The following ALDH7A1 variants were observed in gnomAD, a reference collection of about 807,000 sequenced individuals.
The protein encoded by ALDH7A1 is alpha-aminoadipic semialdehyde dehydrogenase.
A neutral mutation model predicts 79.9 loss-of-function variants in ALDH7A1; 63 were observed. That is an observed-to-expected ratio of 0.79 (90% CI 0.64 to 0.97). The LOEUF (loss-of-function observed/expected upper bound fraction) is 0.97, where lower values mean the gene tolerates loss of function less well. Among genes scored for constraint, ALDH7A1 ranks in the 50% least tolerant of loss-of-function variants. The pLI is 0.00. For missense variants in ALDH7A1, 627 were observed against 665.2 expected, an observed-to-expected ratio of 0.94 and a Z score of 0.63; for synonymous variants, 240 against 231.2, an observed-to-expected ratio of 1.04 and a Z score of -0.34.
chr5:126,561,482 G>T, intron 9 of ALDH7A1: 1 of 62,332 alleles, frequency 1.6e-5, no homozygotes, highest in South Asian at 3.2e-4. Context: ...TGCACCCACA[G>T]AGTGTGTGTG....
chr5:126,576,892 A>C (rs1037917514), intron 6 of ALDH7A1, among the ~76,000 whole-genome samples, 187 bp downstream of exon 6: 2 of 152,140 alleles, frequency 1.3e-5, no homozygotes, highest in African/African-American at 4.8e-5. Flanking sequence ...GCACCATTAC[A>C]CTCCAGCCAG....
intron 11 of ALDH7A1, among the ~76,000 whole-genome samples, chr5:126,556,764 A>G (rs1046995844): frequency 6.6e-6 from 1 of 152,176 alleles, no homozygotes. Flanking sequence ...CAACCCTTGC[A>G]TTCTCTGGGT....
At chr5:126,556,239 CTTT>C (rs35367836) in intron 11 of ALDH7A1, among the ~76,000 whole-genome samples, 36 of 97,930 alleles carry the variant, frequency 3.7e-4, no homozygotes, top group African/African-American at 1.3e-3. Flanking sequence ...TAAGCCATGT[CTTT>C]TTTTTTTTTT....
chr5:126,564,031 C>T (rs767286691), intron 9 of ALDH7A1, among the ~76,000 whole-genome samples: 1 of 152,176 alleles, frequency 6.6e-6, no homozygotes, highest in Non-Finnish European at 1.5e-5. Context: ...CAGCGATCCA[C>T]CCACCTTGAC....
At position 126,552,478 on chromosome 5, in the gene ALDH7A1, C is replaced by T. The variant is rs552957638; in HGVS notation, c.1201-341G>A. Among the ~76,000 whole-genome samples, 63 of 152,276 alleles carry T rather than the reference C, an allele frequency of 4.1e-4. 1 individual carries two copies. Among genetic ancestry groups the T allele is most frequent in the South Asian group, 1.2e-3 (6 of 4,820 alleles). On this transcript the variant is annotated intron_variant, in intron 13 of 17. Coordinates refer to ENST00000409134, the MANE Select transcript of ALDH7A1 (RefSeq NM_001182.5). ...CTTGATCTCAGCTCACTGCAACCTC[C>T]GTCTCCCGGGTTCAAGCCATCCTCC...
intron 11 of ALDH7A1, among the ~76,000 whole-genome samples, chr5:126,557,471 CA>C (rs1427772122): frequency 2.0e-5 from 3 of 151,482 alleles, no homozygotes; most frequent in Non-Finnish European, 4.4e-5. Context: ...CCTGTAGTGC[CA>C]GCTACTCAGG....
At chr5:126,575,640 G>A (rs1750939745) in intron 6 of ALDH7A1, among the ~76,000 whole-genome samples, 176 bp from the exon 7 acceptor site, 1 of 152,178 alleles carries the variant, frequency 6.6e-6, no homozygotes, top group African/African-American at 2.4e-5. Context: ...GTGTCTTTGA[G>A]ACCTAAGGAA....
At chr5:126,588,045 G>A (rs545900790) in intron 3 of ALDH7A1, 13 of 152,320 alleles carry the variant, frequency 8.5e-5, no homozygotes, top group African/African-American at 2.6e-4. Context: ...AGGATGTTAG[G>A]TGCAGAGGCT....
Position 126,592,714 on chromosome 5 carries a change from A to G in ALDH7A1, c.262T>C (p.Tyr88His), listed in dbSNP as rs368517032. 1.2e-6 allele frequency: 2 copies of G among 1,613,940 alleles called. No individual in the cohort carries two copies. The highest frequency in any genetic ancestry group is 8.5e-7 in the Non-Finnish European group (1 of 1,179,986). ...ARVRQASVAD[Y>H]EETVKKAREA... ...CTTGCTTTCTTTACAGTTTCTTCAT[A>G]GTCTGCCACACTGGCCTAAATTAAG... The change falls in exon 3 of 18, where the codon TAT (tyrosine) becomes CAT (histidine). Residue 88 changes from tyrosine (Y) to histidine (H), a missense_variant. Coordinates refer to ENST00000409134, the MANE Select transcript of ALDH7A1 (RefSeq NM_001182.5).
chr5:126,584,115 A>G, intron 3 of ALDH7A1, 103 bp from the exon 4 acceptor site: 1 of 1,024,452 alleles, frequency 9.8e-7, no homozygotes, highest in Non-Finnish European at 1.5e-6. Flanking sequence ...CAATCATATC[A>G]AAGAAGACTT....
intron 10 of ALDH7A1, among the ~76,000 whole-genome samples, chr5:126,560,671 A>G (rs1304518606): frequency 6.6e-6 from 1 of 152,180 alleles, no homozygotes; most frequent in African/African-American, 2.4e-5. Context: ...CCCAATATAA[A>G]AACACTCAAT....
rs774190967 is a variant in ALDH7A1, at chr5:126,595,211, A to C, written c.-13T>G. On this transcript the variant is annotated 5_prime_UTR_variant, in exon 1 of 18. Coordinates refer to ENST00000409134, the MANE Select transcript of ALDH7A1 (RefSeq NM_001182.5). Reference sequence around the variant, plus strand: ...GAAGGCGCCACATACTGAGCCCGGGACTCGGGATGAGCCCAAGGCCCTGAG... The same window carrying C: ...GAAGGCGCCACATACTGAGCCCGGGCCTCGGGATGAGCCCAAGGCCCTGAG... The C allele has an allele frequency of 1.4e-4, 210 of 1,551,374 alleles. No individual in the cohort carries two copies. The highest frequency in any genetic ancestry group is 1.7e-4 in the Non-Finnish European group (199 of 1,146,980).
chr5:126,583,060 G>A, intron 4 of ALDH7A1, 86 bp from the exon 5 acceptor site: 1 of 1,510,484 alleles, frequency 6.6e-7, no homozygotes, highest in South Asian at 1.1e-5. Context: ...AGCAAAACAT[G>A]TTTTGTAAAT....
intron 16 of ALDH7A1, 127 bp from the exon 17 acceptor site, chr5:126,546,526 C>T: frequency 1.2e-6 from 1 of 801,024 alleles, no homozygotes; most frequent in Non-Finnish European, 2.1e-6. Flanking sequence ...ACATTTAGCC[C>T]ACAATATCTC....
chr5:126,574,345 A>G lies in ALDH7A1; in HGVS notation c.695+1075T>C, dbSNP rs185016716. Among the ~76,000 whole-genome samples the G allele has an allele frequency of 2.8e-3, 427 of 151,890 alleles. 2 individuals carry two copies. Among genetic ancestry groups the G allele is most frequent in the African/African-American group, 9.8e-3 (404 of 41,362 alleles). ...AACCAGGGAGTCGGAGGTTGCCGTG[A>G]GCCAAGATTGCACCACTGCACTCCA... On this transcript the variant is annotated intron_variant, in intron 7 of 17. Transcript: ENST00000409134.
intron 2 of ALDH7A1, among the ~76,000 whole-genome samples, chr5:126,593,040 T>G (rs1206493599): frequency 6.6e-6 from 1 of 152,156 alleles, no homozygotes; most frequent in Non-Finnish European, 1.5e-5. Context: ...ATCAGAAGCT[T>G]CATTCTAACA....
At chr5:126,563,308 C>T (rs1414065718) in intron 9 of ALDH7A1, among the ~76,000 whole-genome samples, 1 of 152,088 alleles carries the variant, frequency 6.6e-6, no homozygotes, top group Non-Finnish European at 1.5e-5. Flanking sequence ...TACACCTTTC[C>T]CCTAAGTTAT....
chr5:126,558,619 G>C lies in ALDH7A1; in HGVS notation c.1008+621C>G, dbSNP rs542718180. 3.9e-5 allele frequency among the ~76,000 whole-genome samples: 6 copies of C among 152,180 alleles called. No homozygotes were observed. In the East Asian group the frequency reaches 1.2e-3, roughly 29 times the overall value. ...GCAGCCTCATTGAGCCCTTTCCTGGGCTCAATCAATCCTCCTGCCTCAGCC... is the reference window on the plus strand; with the variant it reads ...GCAGCCTCATTGAGCCCTTTCCTGGCCTCAATCAATCCTCCTGCCTCAGCC... On this transcript the variant is annotated intron_variant, in intron 11 of 17. Transcript: ENST00000409134.
At chr5:126,560,071 T>C (rs1473139599) in intron 10 of ALDH7A1, among the ~76,000 whole-genome samples, 1 of 152,076 alleles carries the variant, frequency 6.6e-6, no homozygotes, top group Non-Finnish European at 1.5e-5. Context: ...GGGACTGTTG[T>C]AGGGATTAAA....
Sources: gnomAD v4.1 joint callset for allele counts (sites outside exome capture counted in the v4.1 genomes callset) on GRCh38, gnomAD v4.1.1 for gene constraint, MANE v1.5 for transcripts, NCBI Gene and HGNC (gene_info 2026-07-23, HGNC 2026-07-21) for gene names.